Variants in TRAF3 observed in about 807,000 individuals in gnomAD.
TRAF3 encodes TNF receptor associated factor 3.
In TRAF3, 13 loss-of-function variants were observed where a neutral mutation model predicts 62.3. The observed-to-expected ratio is 0.21, with a 90% CI of 0.14 to 0.33. The LOEUF is 0.33. Ranked by LOEUF, TRAF3 falls within the 10% of genes least tolerant of loss-of-function variation. The pLI is 1.00. For synonymous variants in TRAF3, 269 were observed against 283.4 expected (o/e 0.95, Z 0.51); for missense variants, 440 against 741.8 (o/e 0.59, Z 4.73).
intron 1 of TRAF3, among the ~76,000 whole-genome samples, chr14:102,829,411 G>T (rs1342452818): frequency 6.6e-6 from 1 of 152,190 alleles, no homozygotes; most frequent in Non-Finnish European, 1.5e-5. Flanking sequence ...GTCTGCCTTG[G>T]TCTCTTGGTT....
intron 1 of TRAF3, among the ~76,000 whole-genome samples, chr14:102,783,417 C>T (rs963303088): frequency 1.3e-5 from 2 of 152,152 alleles, no homozygotes; most frequent in South Asian, 2.1e-4. Context: ...CTCTTGAGCT[C>T]TTTCATGTCC....
chr14:102,855,943 C>G (rs1350918688), intron 2 of TRAF3, among the ~76,000 whole-genome samples: 1 of 151,564 alleles, frequency 6.6e-6, no homozygotes, highest in Admixed American at 6.6e-5. Context: ...AATAAAATAA[C>G]TAGCTGGGCA....
At chr14:102,799,316 A>G (rs1432172783) in intron 1 of TRAF3, among the ~76,000 whole-genome samples, 1 of 152,158 alleles carries the variant, frequency 6.6e-6, no homozygotes, top group Non-Finnish European at 1.5e-5. Context: ...GTTCTTTTCC[A>G]TCTTAGCATC....
chr14:102,898,362 A>G (rs1374353041), intron 10 of TRAF3, among the ~76,000 whole-genome samples: 2 of 152,270 alleles, frequency 1.3e-5, no homozygotes, highest in South Asian at 2.1e-4. Flanking sequence ...AAATCAAGCC[A>G]AATAAAGTAC....
At chr14:102,829,798 C>T (rs1027203460) in intron 1 of TRAF3, among the ~76,000 whole-genome samples, 9 of 152,130 alleles carry the variant, frequency 5.9e-5, no homozygotes, top group Non-Finnish European at 1.0e-4. Context: ...GGCCTATTGT[C>T]TTCATTGCCG....
chr14:102,810,370 C>T (rs1899049452), intron 1 of TRAF3, among the ~76,000 whole-genome samples: 1 of 152,064 alleles, frequency 6.6e-6, no homozygotes, highest in Non-Finnish European at 1.5e-5. Flanking sequence ...TGATCATGGC[C>T]CCTTTTACAA....
chr14:102,851,368 A>G (rs1203073257), intron 2 of TRAF3, among the ~76,000 whole-genome samples: 1 of 152,198 alleles, frequency 6.6e-6, no homozygotes, highest in Admixed American at 6.5e-5. Context: ...ACTTCTGGTG[A>G]TAGGTCTGTG....
At chr14:102,834,512 C>G (rs1397146282) in intron 2 of TRAF3, among the ~76,000 whole-genome samples, 1 of 151,708 alleles carries the variant, frequency 6.6e-6, no homozygotes, top group East Asian at 1.9e-4. Flanking sequence ...CAGTGAAACC[C>G]CGTCTCTACT....
chr14:102,793,488 C>A (rs1016267271), intron 1 of TRAF3, among the ~76,000 whole-genome samples: 1 of 152,288 alleles, frequency 6.6e-6, no homozygotes, highest in African/African-American at 2.4e-5. Context: ...CATGTTTCTT[C>A]AGAATTTTGA....
chr14:102,879,584 G>A (rs1250793721), intron 6 of TRAF3, among the ~76,000 whole-genome samples: 1 of 151,882 alleles, frequency 6.6e-6, no homozygotes, highest in East Asian at 1.9e-4. Context: ...CCAAAATTTA[G>A]GGAGAGTTTC....
At chr14:102,838,908 C>T (rs1886193049) in intron 2 of TRAF3, among the ~76,000 whole-genome samples, 2 of 152,098 alleles carry the variant, frequency 1.3e-5, no homozygotes, top group Admixed American at 6.6e-5. Flanking sequence ...ATCTTCATTC[C>T]CCCACTAAAT....
intron 10 of TRAF3, among the ~76,000 whole-genome samples, chr14:102,899,661 C>CT (rs1254150186): frequency 6.6e-6 from 1 of 152,172 alleles, no homozygotes; most frequent in African/African-American, 2.4e-5. Context: ...GCACACGTCA[C>CT]TTGGGGTCTT....
chr14:102,903,557 T>A lies in TRAF3; in HGVS notation c.1135+128T>A. On this transcript the variant is annotated intron_variant, in intron 11 of 11. Transcript: ENST00000392745. The surrounding 1 kb of genome is among the most constrained non-coding windows in gnomAD (Gnocchi z 6.4). Reference sequence around the variant, plus strand: ...TAGGACAGTTTTTTCTAATTATGGGTAACACGCAGAGGTGTGATGACTTTC... The same window carrying A: ...TAGGACAGTTTTTTCTAATTATGGGAAACACGCAGAGGTGTGATGACTTTC... 7.6e-7 allele frequency: 1 copy of A among 1,317,494 alleles called. No homozygotes were observed. Among genetic ancestry groups the A allele is most frequent in the Non-Finnish European group, 1.1e-6 (1 of 941,136 alleles). The allele number at this position is 1,317,494 out of a possible 1,614,324, so 81.6% of individuals were successfully genotyped here.
At position 102,869,209 on chromosome 14, in the gene TRAF3, G is replaced by A. The variant is rs532691866; in HGVS notation, c.-17-976G>A. Among the ~76,000 whole-genome samples the A allele has an allele frequency of 9.8e-5, 15 of 152,338 alleles. No homozygotes were observed. In the South Asian group the frequency reaches 2.7e-3, roughly 27 times the overall value. ...GCTCTGTGCACAGCATGCTGGGTCA[G>A]GGTGGTGCTAGATTAATAAGATGAG... On this transcript the variant is annotated intron_variant, in intron 2 of 11. Transcript: ENST00000392745.
intron 1 of TRAF3, among the ~76,000 whole-genome samples, chr14:102,786,765 G>A (rs929353584): frequency 5.9e-5 from 9 of 152,208 alleles, no homozygotes; most frequent in Admixed American, 3.3e-4. Flanking sequence ...CGGGGGGATC[G>A]CTTGAATCCA....
At chr14:102,804,896 A>G (rs1364449479) in intron 1 of TRAF3, among the ~76,000 whole-genome samples, 2 of 152,166 alleles carry the variant, frequency 1.3e-5, no homozygotes, top group Admixed American at 6.5e-5. Context: ...AAACTTCTAA[A>G]AATCTTTCTG....
intron 2 of TRAF3, among the ~76,000 whole-genome samples, chr14:102,830,802 AG>A (rs1900634652): frequency 6.6e-6 from 1 of 152,214 alleles, no homozygotes. Context: ...CTTACAGAGA[AG>A]CTGCAGTGCC....
intron 1 of TRAF3, among the ~76,000 whole-genome samples, chr14:102,790,530 A>G (rs564461275): frequency 1.4e-4 from 22 of 152,304 alleles, no homozygotes; most frequent in African/African-American, 3.4e-4. Flanking sequence ...AAAGGCAAAG[A>G]AGGAGGAAAG....
intron 7 of TRAF3, among the ~76,000 whole-genome samples, chr14:102,887,411 C>T (rs1249834529): frequency 6.6e-6 from 1 of 152,218 alleles, no homozygotes; most frequent in Non-Finnish European, 1.5e-5. Context: ...GAGAGCCACT[C>T]TCCCCCAGGG....
Sources: allele counts gnomAD v4.1 joint callset (sites outside exome capture counted in the v4.1 genomes callset), GRCh38; gene constraint gnomAD v4.1.1; non-coding constraint Gnocchi (gnomAD v3.1); transcripts MANE v1.5; gene names NCBI Gene and HGNC (gene_info 2026-07-23, HGNC 2026-07-21).